The following ZNF227 variants were observed in gnomAD, a reference collection of about 807,000 sequenced individuals.
The protein encoded by ZNF227 is zinc finger protein 227.
Under a neutral mutation model 13.2 loss-of-function variants are expected in ZNF227, and 12 were observed. The observed-to-expected ratio is 0.91, with a 90% CI of 0.58 to 1.47. ZNF227 has a LOEUF of 1.47. ZNF227 is among the 40% of genes most tolerant of loss of function. ZNF227 has a pLI of 0.00. For synonymous variants in ZNF227, 338 were observed against 326.0 expected (o/e 1.04, Z -0.40); for missense variants, 885 against 967.5 (o/e 0.91, Z 1.13).
chr19:44,229,729 A>C lies in ZNF227; in HGVS notation c.188-4A>C. The C allele has an allele frequency of 3.2e-6, 5 of 1,561,328 alleles. No homozygotes were observed. Among genetic ancestry groups the C allele is most frequent in the Non-Finnish European group, 3.5e-6 (4 of 1,149,254 alleles). ...TAAATACATAAAAATCTACATTTTC[A>C]TAGGGCATCTTCCCTTCCAACCAGA... On this transcript the variant is annotated splice_region_variant and splice_polypyrimidine_tract_variant and intron_variant, in intron 4 of 5. Transcript: ENST00000313040.
In ZNF227 at chr19:44,230,947, A is replaced by C. The variant is rs1043208441; in HGVS notation, c.271+1131A>C. On this transcript the variant is annotated intron_variant, in intron 5 of 5. Transcript: ENST00000313040. Reference sequence around the variant, plus strand: ...AAAAAATATATATATATATATATATATATATATCTTAGCCAGGCATGTTAG... The same window carrying C: ...AAAAAATATATATATATATATATATCTATATATCTTAGCCAGGCATGTTAG... Among the ~76,000 whole-genome samples, 104 of 136,022 alleles carry C rather than the reference A, an allele frequency of 7.6e-4. 3 individuals carry two copies. The highest frequency in any genetic ancestry group is 2.5e-3 in the African/African-American group (82 of 33,384). The allele number at this position is 136,022 out of a possible 152,430, so 89.2% of individuals were successfully genotyped here.
At position 44,236,877 on chromosome 19, in the gene ZNF227, G is replaced by A. The variant is rs957935859; in HGVS notation, c.*47G>A. The A allele has an allele frequency of 3.3e-6, 5 of 1,494,566 alleles. No individual in the cohort carries two copies. The highest frequency in any genetic ancestry group is 4.5e-6 in the Non-Finnish European group (5 of 1,114,066). 92.6% of individuals were successfully genotyped at this position (1,494,566 alleles called of 1,614,324 possible). On this transcript the variant is annotated 3_prime_UTR_variant, in exon 6 of 6. Transcript: ENST00000313040. ...CTTTTGTCTGAATGCACATCTTCAA[G>A]TTTTTGGCTAGTCCATGCTGGTGGT...
upstream of ZNF227, among the ~76,000 whole-genome samples, chr19:44,212,360 C>G (rs1971417754): frequency 6.9e-6 from 1 of 144,292 alleles, no homozygotes; most frequent in Non-Finnish European, 1.5e-5. Flanking sequence ...CTCACTCGCT[C>G]GCTCCGTTTT....
In ZNF227 at chr19:44,236,159, A is replaced by G. The variant is rs1974466961; in HGVS notation, c.1729A>G (p.Lys577Glu). 6.2e-7 allele frequency: 1 copy of G among 1,614,042 alleles called. No homozygotes were observed. The highest frequency in any genetic ancestry group is 8.5e-7 in the Non-Finnish European group (1 of 1,180,042). ...QVIHTGEKPY[K>E]CEECGKGFSW... ...AATTCACACTGGAGAAAAACCATATAAATGTGAGGAATGTGGGAAGGGCTT... is the reference window on the plus strand; with the variant it reads ...AATTCACACTGGAGAAAAACCATATGAATGTGAGGAATGTGGGAAGGGCTT... Residue 577 changes from lysine to glutamate, a missense_variant, in exon 6 of 6, where the codon AAA becomes GAA. By Grantham distance (56) the Lys-to-Glu change is moderately conservative. Transcript: ENST00000313040.
rs2279072 is a variant in ZNF227 at position 44,235,246 on chromosome 19, T to C, written c.816T>C (p.His272=). The change falls in exon 6 of 6, where the codon CAT becomes CAC. Residue 272 remains histidine (H), a synonymous_variant. Coordinates refer to ENST00000313040, the MANE Select transcript of ZNF227 (RefSeq NM_182490.3). ...SPRLPLHPNV[H]TGEKCFSQSS... Reference sequence around the variant, plus strand: ...GGCTTCCCCTTCATCCGAATGTTCATACAGGAGAAAAATGCTTCAGTCAAA... The same window carrying C: ...GGCTTCCCCTTCATCCGAATGTTCACACAGGAGAAAAATGCTTCAGTCAAA... 923,503 of 1,613,770 alleles carry C rather than the reference T, an allele frequency of 0.57. 266,794 individuals carry two copies. The highest frequency in any genetic ancestry group is 0.71 in the Admixed American group (42,750 of 59,966).
chr19:44,221,107 C>CAG (rs1972458920), intron 3 of ZNF227, among the ~76,000 whole-genome samples: 1 of 151,896 alleles, frequency 6.6e-6, no homozygotes, highest in South Asian at 2.1e-4. Context: ...AATAGTGCTG[C>CAG]AATAAACATA....
At chr19:44,216,958 G>GTTTTTTTTTTTTTTTTTTTTTTTTT (rs35474532) in intron 2 of ZNF227, among the ~76,000 whole-genome samples, 1 of 91,646 alleles carries the variant, frequency 1.1e-5, no homozygotes, top group Non-Finnish European at 2.1e-5. Flanking sequence ...TCATCTGCTT[G>GTTTTTTTTTTTTTTTTTTTTTTTTT]TTTTTTTTTT....
At position 44,236,855 on chromosome 19, in the gene ZNF227, T is replaced by C; in HGVS notation, c.*25T>C. The C allele has an allele frequency of 6.5e-7, 1 of 1,532,108 alleles. No homozygotes were observed. The allele number at this position is 1,532,108 out of a possible 1,614,324, so 94.9% of individuals were successfully genotyped here. On this transcript the variant is annotated 3_prime_UTR_variant, in exon 6 of 6. Transcript: ENST00000313040. Reference sequence around the variant, plus strand: ...GAAATGAGAAATGTGTTACCAACTTTTGTCTGAATGCACATCTTCAAGTTT... The same window carrying C: ...GAAATGAGAAATGTGTTACCAACTTCTGTCTGAATGCACATCTTCAAGTTT...
intron 5 of ZNF227, among the ~76,000 whole-genome samples, chr19:44,230,926 A>AAAAAAAAAAAAAATATATATATATAT (rs1555792168): frequency 2.9e-5 from 2 of 68,132 alleles, no homozygotes; most frequent in African/African-American, 9.8e-5. Flanking sequence ...AAAAAAAAAA[A>AAAAAAAAAAAAAATATATATATATAT]ATATATATAT....
At chr19:44,214,610 T>G (rs895694965) in intron 2 of ZNF227, among the ~76,000 whole-genome samples, 6 of 152,142 alleles carry the variant, frequency 3.9e-5, no homozygotes, top group Non-Finnish European at 8.8e-5. Context: ...ACTCTTGACC[T>G]CAGGTAATCC....
intron 3 of ZNF227, chr19:44,227,414 T>G (rs1973291581): frequency 6.6e-6 from 1 of 151,998 alleles, no homozygotes; most frequent in South Asian, 2.1e-4. Flanking sequence ...CCTGGCTAAT[T>G]TTTTTGTATT....
intron 2 of ZNF227, among the ~76,000 whole-genome samples, chr19:44,214,638 A>C (rs1370420168): frequency 6.6e-6 from 1 of 152,162 alleles, no homozygotes; most frequent in Non-Finnish European, 1.5e-5. Flanking sequence ...TCGGCCTCCC[A>C]AAGTGCTGGG....
intron 2 of ZNF227, among the ~76,000 whole-genome samples, chr19:44,216,651 A>G (rs1237811726): frequency 6.8e-6 from 1 of 147,690 alleles, no homozygotes; most frequent in Admixed American, 6.9e-5. Flanking sequence ...GAAGCCTCTC[A>G]ATTTATCTTT....
At chr19:44,231,450 A>C (rs1333215872) in intron 5 of ZNF227, among the ~76,000 whole-genome samples, 1 of 151,970 alleles carries the variant, frequency 6.6e-6, no homozygotes, top group African/African-American at 2.4e-5. Context: ...ATTCTGCTTT[A>C]GCCTCCCGAG....
At chr19:44,230,684 C>T (rs544669616) in intron 5 of ZNF227, among the ~76,000 whole-genome samples, 2 of 151,852 alleles carry the variant, frequency 1.3e-5, no homozygotes, top group Non-Finnish European at 2.9e-5. Flanking sequence ...ATTTAAAATA[C>T]CATCTTCCTT....
chr19:44,232,897 C>T (rs1161999015), intron 5 of ZNF227, among the ~76,000 whole-genome samples: 1 of 152,042 alleles, frequency 6.6e-6, no homozygotes, highest in Non-Finnish European at 1.5e-5. Flanking sequence ...TCTCGAACTC[C>T]TGACCTCAAG....
intron 4 of ZNF227, chr19:44,228,882 C>T: frequency 2.5e-6 from 1 of 402,364 alleles, no homozygotes. Context: ...AGGAATTCTG[C>T]AAAATCTCCT....
In ZNF227 at chr19:44,235,227, C is replaced by T. The variant is rs377157219; in HGVS notation, c.797C>T (p.Pro266Leu). ...GRGFSYSPRL[P>L]LHPNVHTGEK... is the part of the protein sequence containing the mutation. ...GGCTTCAGTTATAGCCCAAGGCTTC[C>T]CCTTCATCCGAATGTTCATACAGGA... Residue 266 changes from proline to leucine, a missense_variant, in exon 6 of 6, where the codon CCC becomes CTC. By Grantham distance (98) the Pro-to-Leu change is moderately conservative. Transcript: ENST00000313040. 2.7e-5 allele frequency: 44 copies of T among 1,613,836 alleles called. No individual in the cohort carries two copies. The African/African-American group carries it at 4.4e-4, about 16-fold the overall frequency.
At chr19:44,217,757 G>C (rs1441801670) in intron 2 of ZNF227, 34 bp from the exon 3 acceptor site, 72 of 1,611,136 alleles carry the variant, frequency 4.5e-5, no homozygotes, top group Non-Finnish European at 6.0e-5. Context: ...CTAACAGCAG[G>C]CTTGTGTCTC....
Sources: allele counts gnomAD v4.1 joint callset (sites outside exome capture counted in the v4.1 genomes callset), GRCh38; gene constraint gnomAD v4.1.1; transcripts MANE v1.5; gene names NCBI Gene and HGNC (gene_info 2026-07-23, HGNC 2026-07-21).